Variants in NRG1 observed in about 807,000 individuals in gnomAD.
NRG1 encodes neuregulin 1, also known as pro-neuregulin-1, membrane-bound isoform.
NRG1 carries 18 observed loss-of-function variants against 63.8 expected under a neutral mutation model. The observed-to-expected ratio is 0.28, with a 90% CI of 0.19 to 0.42. NRG1 has a LOEUF of 0.42. NRG1 is among the 10% of genes least tolerant of loss of function. The pLI, the probability that NRG1 is intolerant of heterozygous loss-of-function variation, is 1.00. For synonymous variants in NRG1, 302 were observed against 301.3 expected (o/e 1.00, Z -0.02); for missense variants, 762 against 814.7 (o/e 0.94, Z 0.79).
intron 1 of NRG1, among the ~76,000 whole-genome samples, chr8:31,677,282 A>T (rs958779545): frequency 6.6e-6 from 1 of 151,784 alleles, no homozygotes; most frequent in African/African-American, 2.4e-5. Flanking sequence ...CTAAATAAAC[A>T]TTATATCCTG....
At chr8:32,133,579 T>C (rs1835129368) in intron 1 of NRG1, among the ~76,000 whole-genome samples, 1 of 152,162 alleles carries the variant, frequency 6.6e-6, no homozygotes, top group Non-Finnish European at 1.5e-5. Flanking sequence ...CCTAAAGGGA[T>C]AATAATAGAC....
intron 1 of NRG1, among the ~76,000 whole-genome samples, chr8:32,568,877 G>A (rs1295830423): frequency 6.7e-6 from 1 of 149,248 alleles, no homozygotes; most frequent in Admixed American, 6.7e-5. Context: ...TTAGTACAGA[G>A]AAATAAAACA....
rs944099035 is a variant in NRG1 at position 32,716,779 on chromosome 8, G to A, written c.503-11170G>A. Among the ~76,000 whole-genome samples the A allele has an allele frequency of 5.3e-5, 8 of 149,760 alleles. No homozygotes were observed. The Admixed American group carries it at 5.4e-4, about 10-fold the overall frequency. On this transcript the variant is annotated intron_variant, in intron 5 of 11. Transcript: ENST00000356819. ...CATTAGATTTTTCTAACAACTGCAT[G>A]ATGTGTGTGCGTGCGTGTGTGCATG...
intron 5 of NRG1, among the ~76,000 whole-genome samples, chr8:32,681,523 TATTATAAAGTATAGTA>T (rs1808619668): frequency 6.6e-6 from 1 of 152,150 alleles, no homozygotes; most frequent in Admixed American, 6.6e-5. Context: ...GTGTTGTCAA[TATTATAAAGTATAGTA>T]AGACAGCATA....
At chr8:32,510,080 A>G (rs1379009616) in intron 1 of NRG1, among the ~76,000 whole-genome samples, 2 of 147,170 alleles carry the variant, frequency 1.4e-5, no homozygotes, top group Non-Finnish European at 3.0e-5. Context: ...GAGAAAGAAC[A>G]TAGCTATCCT....
At chr8:32,518,346 G>T (rs1830032389) in intron 1 of NRG1, among the ~76,000 whole-genome samples, 2 of 152,120 alleles carry the variant, frequency 1.3e-5, no homozygotes, top group Non-Finnish European at 2.9e-5. Flanking sequence ...AAAGCCCAGT[G>T]CCCAGAGCAG....
intron 1 of NRG1, among the ~76,000 whole-genome samples, chr8:32,515,749 CT>C: frequency 6.6e-6 from 1 of 152,258 alleles, no homozygotes; most frequent in African/African-American, 2.4e-5. Context: ...CCTTTGCTCA[CT>C]TTTTAATGGG....
chr8:32,013,087 A>C (rs1372032064), intron 1 of NRG1, among the ~76,000 whole-genome samples: 1 of 152,046 alleles, frequency 6.6e-6, no homozygotes, highest in Admixed American at 6.6e-5. Context: ...GTCTTTATAC[A>C]ATCAATTATC....
intron 1 of NRG1, among the ~76,000 whole-genome samples, chr8:32,130,289 A>G (rs1339470728): frequency 6.6e-6 from 1 of 152,008 alleles, no homozygotes; most frequent in Admixed American, 6.6e-5. Context: ...TTGCTAAATT[A>G]TGTCCTAATT....
At chr8:32,588,846 G>T (rs1842060888) in intron 1 of NRG1, among the ~76,000 whole-genome samples, 1 of 152,132 alleles carries the variant, frequency 6.6e-6, no homozygotes, top group African/African-American at 2.4e-5. Context: ...TTCAAATGAA[G>T]GTGCCATCCT....
chr8:32,319,832 T>C (rs369679165), intron 1 of NRG1, among the ~76,000 whole-genome samples: 1 of 152,304 alleles, frequency 6.6e-6, no homozygotes, highest in South Asian at 2.1e-4. Flanking sequence ...TTTTTACTTA[T>C]ATATTTGGAC....
intron 5 of NRG1, among the ~76,000 whole-genome samples, chr8:32,707,584 A>G (rs187007594): frequency 2.2e-4 from 33 of 152,210 alleles, no homozygotes; most frequent in Admixed American, 4.6e-4. Flanking sequence ...TCTGTATTCA[A>G]TGTTACAATA....
chr8:32,307,867 C>T (rs1856393840), intron 1 of NRG1, among the ~76,000 whole-genome samples: 1 of 151,670 alleles, frequency 6.6e-6, no homozygotes, highest in East Asian at 1.9e-4. Flanking sequence ...TAGACTGTCT[C>T]TAATACCATT....
intron 1 of NRG1, among the ~76,000 whole-genome samples, chr8:31,919,723 T>G (rs1317384600): frequency 1.3e-5 from 2 of 152,122 alleles, no homozygotes; most frequent in Non-Finnish European, 2.9e-5. Flanking sequence ...GCTGCTTACT[T>G]CAAGAATTAG....
At chr8:31,976,662 GGTGTGTGTGTGTGTGTGT>G (rs55763806) in intron 1 of NRG1, among the ~76,000 whole-genome samples, 3,471 of 150,576 alleles carry the variant, frequency 0.023, 111 homozygotes, top group African/African-American at 0.078. Context: ...ATCTGCCATG[GGTGTGTGTGTGTGTGTGT>G]GTGTGTGTGT....
intron 1 of NRG1, among the ~76,000 whole-genome samples, chr8:31,784,079 A>G (rs901836270): frequency 1.3e-5 from 2 of 152,182 alleles, no homozygotes; most frequent in Non-Finnish European, 2.9e-5. Context: ...AAATTCAGAT[A>G]TGCTGATTCC....
At chr8:32,397,187 T>A (rs186508663) in intron 1 of NRG1, among the ~76,000 whole-genome samples, 18 of 152,294 alleles carry the variant, frequency 1.2e-4, no homozygotes, top group Admixed American at 1.2e-3. Context: ...CCTGGAAAGC[T>A]AATTTTTCTA....
intron 5 of NRG1, among the ~76,000 whole-genome samples, chr8:32,646,385 A>T (rs1329586783): frequency 6.6e-6 from 1 of 152,238 alleles, no homozygotes; most frequent in African/African-American, 2.4e-5. Flanking sequence ...AGGTAATAAC[A>T]GTCCTCTTAG....
chr8:31,680,082 G>A (rs1808156251), intron 1 of NRG1, among the ~76,000 whole-genome samples: 1 of 152,050 alleles, frequency 6.6e-6, no homozygotes, highest in African/African-American at 2.4e-5. Context: ...ATAGTTCTGA[G>A]TAGAAAAATA....
Sources: gnomAD v4.1 joint callset for allele counts (sites outside exome capture counted in the v4.1 genomes callset) on GRCh38, gnomAD v4.1.1 for gene constraint, MANE v1.5 for transcripts, NCBI Gene and HGNC (gene_info 2026-07-23, HGNC 2026-07-21) for gene names.